Variants in LIN7C observed in about 807,000 individuals in gnomAD.
LIN7C encodes lin-7 cell polarity scaffold C, also known as protein lin-7 homolog C.
Under a neutral mutation model 24.7 loss-of-function variants are expected in LIN7C, and 17 were observed. That is an observed-to-expected ratio of 0.69 (90% CI 0.47 to 1.03). LIN7C has a LOEUF of 1.03. Ranked by LOEUF, LIN7C falls within the 50% of genes least tolerant of loss-of-function variation. The pLI, the probability that LIN7C is intolerant of heterozygous loss-of-function variation, is 0.00. For missense variants in LIN7C, 204 were observed against 239.0 expected (o/e 0.85, Z 0.97); for synonymous variants, 90 against 83.4 (o/e 1.08, Z -0.43).
chr11:27,499,304 C>T (rs1865198423), intron 4 of LIN7C, 55 bp downstream of exon 4: 11 of 1,435,678 alleles, frequency 7.7e-6, no homozygotes, highest in East Asian at 2.3e-5. Flanking sequence ...TACTCAAATA[C>T]GCCCCCAGGT....
rs1265704695 is a variant in LIN7C, at chr11:27,496,846, C to T, written c.*1803G>A. 6.6e-6 allele frequency: 1 copy of T among 152,332 alleles called. No individual in the cohort carries two copies. The highest frequency in any genetic ancestry group is 1.5e-5 in the Non-Finnish European group (1 of 67,992). 9.4% of individuals were successfully genotyped at this position (152,332 alleles called of 1,614,324 possible). ...ATAAGATTTCTTCAGGGTTTACTTACCCTGAAATGCAAGAATACAAGCATA... is the reference window on the plus strand; with the variant it reads ...ATAAGATTTCTTCAGGGTTTACTTATCCTGAAATGCAAGAATACAAGCATA... On this transcript the variant is annotated 3_prime_UTR_variant, in exon 5 of 5. Transcript: ENST00000278193.
At chr11:27,503,239 T>C (rs1865242741) in intron 1 of LIN7C, among the ~76,000 whole-genome samples, 1 of 152,212 alleles carries the variant, frequency 6.6e-6, no homozygotes, top group Admixed American at 6.5e-5. Context: ...GGATAAGTGT[T>C]TTATGAATTG....
intron 1 of LIN7C, among the ~76,000 whole-genome samples, chr11:27,502,268 T>C (rs951025909): frequency 3.3e-5 from 5 of 152,204 alleles, no homozygotes; most frequent in African/African-American, 1.2e-4. Flanking sequence ...TACATGAACA[T>C]TGTACTGCTT....
rs759264383 is a variant in LIN7C, at chr11:27,498,757, G to A, written c.486C>T (p.Ala162=). 9.9e-6 allele frequency: 16 copies of A among 1,613,586 alleles called. No homozygotes were observed. Among genetic ancestry groups the A allele is most frequent in the African/African-American group, 8.0e-5 (6 of 74,802 alleles). ...HHEKAVELLK[A]AQGKVKLVVR... is the part of the protein sequence containing the mutation. Reference sequence around the variant, plus strand: ...CCACTAATTTAACCTTTCCTTGTGCGGCTTTCAGCAGTTCTACAGCTTTTT... The same window carrying A: ...CCACTAATTTAACCTTTCCTTGTGCAGCTTTCAGCAGTTCTACAGCTTTTT... Residue 162 remains alanine (A), a synonymous_variant, in exon 5 of 5, where the codon GCC becomes GCT. Coordinates refer to ENST00000278193, the MANE Select transcript of LIN7C (RefSeq NM_018362.4).
intron 1 of LIN7C, 70 bp from the exon 2 acceptor site, chr11:27,501,990 G>T: frequency 1.1e-6 from 1 of 910,226 alleles, no homozygotes; most frequent in Non-Finnish European, 1.8e-6. Context: ...CAGTGGGGCA[G>T]TTAGGATTCA....
rs751854358 is a variant in LIN7C at position 27,499,534 on chromosome 11, T to C, written c.263A>G (p.His88Arg). The change falls in exon 4 of 5, where the codon CAT becomes CGT. Residue 88 changes from histidine (H) to arginine (R), a missense_variant. Transcript: ENST00000278193. ...TVAAFAASEGHSHPRVVELPK... is the reference protein window; with the variant it reads ...TVAAFAASEGRSHPRVVELPK... ...TAGCTCAACAACTCGAGGATGAGAA[T>C]GTCCTTCACTGGCAGCAAATGCAGC... The C allele has an allele frequency of 3.1e-6, 5 of 1,614,124 alleles. No individual in the cohort carries two copies. In the African/African-American group the frequency reaches 4.0e-5, roughly 13 times the overall value.
At chr11:27,502,569 T>C (rs1865236656) in intron 1 of LIN7C, among the ~76,000 whole-genome samples, 3 of 152,192 alleles carry the variant, frequency 2.0e-5, no homozygotes, top group Admixed American at 2.0e-4. Context: ...CCAACACTTA[T>C]GTTTACAAAA....
Position 27,501,991 on chromosome 11 carries a change from T to G in LIN7C, c.38-71A>C, listed in dbSNP as rs1865230730. 6 of 885,348 alleles carry G rather than the reference T, an allele frequency of 6.8e-6. No homozygotes were observed. The East Asian group carries it at 1.5e-4, about 22-fold the overall frequency. 54.8% of individuals were successfully genotyped at this position (885,348 alleles called of 1,614,324 possible). ...CAATGCCTATGTAACAGTGGGGCAG[T>G]TAGGATTCATTCCTCAAGGGCAAAT... On this transcript the variant is annotated intron_variant, in intron 1 of 4. Coordinates refer to ENST00000278193, the MANE Select transcript of LIN7C (RefSeq NM_018362.4).
chr11:27,503,809 G>A (rs1425230046), intron 1 of LIN7C, among the ~76,000 whole-genome samples: 1 of 149,446 alleles, frequency 6.7e-6, no homozygotes, highest in African/African-American at 2.5e-5. Flanking sequence ...ATCACACCTG[G>A]CAGAAAGATT....
At position 27,501,611 on chromosome 11, in the gene LIN7C, T is replaced by A. The variant is rs1329180892; in HGVS notation, c.157-45A>T. The A allele has an allele frequency of 3.5e-6, 5 of 1,412,690 alleles. No individual in the cohort carries two copies. The Admixed American group carries it at 6.6e-5, about 19-fold the overall frequency. 87.5% of individuals were successfully genotyped at this position (1,412,690 alleles called of 1,614,324 possible). A position where few individuals can be genotyped will look rare whatever the true frequency, so the allele number is the denominator to read the frequency against. On this transcript the variant is annotated intron_variant, in intron 2 of 4. Transcript: ENST00000278193. ...ATCTCAGAATATACCATGCTTGAGT[T>A]CTCTGTGAAGTTAAAATTTCAGGCA...
At chr11:27,506,684 G>T (rs367700794) in intron 1 of LIN7C, 32 bp downstream of exon 1, 3 of 1,612,434 alleles carry the variant, frequency 1.9e-6, no homozygotes, top group Non-Finnish European at 2.5e-6. Flanking sequence ...CAACCCTTCC[G>T]CCCACCTCCG....
chr11:27,506,360 T>C (rs1465826319), intron 1 of LIN7C, among the ~76,000 whole-genome samples: 3 of 152,192 alleles, frequency 2.0e-5, no homozygotes, highest in Admixed American at 6.5e-5. Flanking sequence ...GTGTAGTCTG[T>C]GCGAACCGGG....
At chr11:27,498,855 G>A in intron 4 of LIN7C, 51 bp from the exon 5 acceptor site, 1 of 1,526,960 alleles carries the variant, frequency 6.5e-7, no homozygotes, top group Non-Finnish European at 8.9e-7. Flanking sequence ...AGTTTTGAAA[G>A]TAACTCAAAA....
Position 27,497,213 on chromosome 11 carries a change from G to GA in LIN7C, c.*1435dup, listed in dbSNP as rs1865180612. ...GACTCACAGTGATCACAAACATGCA[G>GA]AAAAAAGCATACAATTCTATTCTTC... On this transcript the variant is annotated 3_prime_UTR_variant, in exon 5 of 5. Transcript: ENST00000278193. 1.3e-5 allele frequency: 2 copies of GA among 152,492 alleles called. No homozygotes were observed. Among genetic ancestry groups the GA allele is most frequent in the Admixed American group, 1.3e-4 (2 of 15,270 alleles). 9.4% of individuals were successfully genotyped at this position (152,492 alleles called of 1,614,324 possible). A position where few individuals can be genotyped will look rare whatever the true frequency, so the allele number is the denominator to read the frequency against.
intron 3 of LIN7C, among the ~76,000 whole-genome samples, 161 bp downstream of exon 3, chr11:27,501,334 A>AAT (rs750001159): frequency 6.6e-6 from 1 of 152,194 alleles, no homozygotes; most frequent in Non-Finnish European, 1.5e-5. Context: ...ATGTAAAGGC[A>AAT]ATAGAAACAA....
At chr11:27,505,496 C>G (rs1865273127) in intron 1 of LIN7C, among the ~76,000 whole-genome samples, 1 of 152,236 alleles carries the variant, frequency 6.6e-6, no homozygotes, top group South Asian at 2.1e-4. Flanking sequence ...CCTAACTCGG[C>G]AAGTCTTCCC....
intron 1 of LIN7C, among the ~76,000 whole-genome samples, chr11:27,506,464 C>T (rs1865299983): frequency 2.0e-5 from 3 of 152,206 alleles, no homozygotes; most frequent in South Asian, 4.1e-4. Flanking sequence ...GTCTGCGAAG[C>T]GGGCAGGTTG....
intron 1 of LIN7C, among the ~76,000 whole-genome samples, chr11:27,505,604 A>G (rs766396911): frequency 6.6e-6 from 1 of 152,220 alleles, no homozygotes; most frequent in Non-Finnish European, 1.5e-5. Context: ...TAAAGAGCAA[A>G]TCAGCAACAT....
chr11:27,502,838 A>G (rs1865238727), intron 1 of LIN7C, among the ~76,000 whole-genome samples: 1 of 152,210 alleles, frequency 6.6e-6, no homozygotes, highest in Admixed American at 6.5e-5. Context: ...TTGGCTGGGA[A>G]TAGTGGCTTA....
Sources: allele counts gnomAD v4.1 joint callset (sites outside exome capture counted in the v4.1 genomes callset), GRCh38; gene constraint gnomAD v4.1.1; transcripts MANE v1.5; gene names NCBI Gene and HGNC (gene_info 2026-07-23, HGNC 2026-07-21).